Variants in HECTD2 observed in about 807,000 individuals in gnomAD.
The protein encoded by HECTD2 is probable E3 ubiquitin-protein ligase HECTD2.
HECTD2 carries 35 observed loss-of-function variants against 103.2 expected under a neutral mutation model. The ratio of observed to expected loss-of-function variants is 0.34; its 90% confidence interval spans 0.26 to 0.45. The LOEUF is 0.45. HECTD2 is among the 20% of genes least tolerant of loss of function. HECTD2 has a pLI of 1.00. For missense variants in HECTD2, 596 were observed against 937.4 expected, an observed-to-expected ratio of 0.64 and a Z score of 4.76; for synonymous variants, 281 against 329.9, an observed-to-expected ratio of 0.85 and a Z score of 1.61.
chr10:91,459,130 A>G (rs947319825), intron 2 of HECTD2, among the ~76,000 whole-genome samples: 1 of 152,020 alleles, frequency 6.6e-6, no homozygotes, highest in African/African-American at 2.4e-5. Flanking sequence ...AAGCTGTTCA[A>G]CCTCATTAAC....
rs2133404785 is a variant in HECTD2, at chr10:91,514,376, C to T, written c.*1992C>T. 6.5e-6 allele frequency: 1 copy of T among 152,736 alleles called. No homozygotes were observed. Among genetic ancestry groups the T allele is most frequent in the East Asian group, 1.9e-4 (1 of 5,190 alleles). 9.5% of individuals were successfully genotyped at this position (152,736 alleles called of 1,614,324 possible). ...CTGTTGTTAAGTTGAAATGTATAAT[C>T]ATTTATCACTAAATTGCACATTGCC... On this transcript the variant is annotated 3_prime_UTR_variant, in exon 21 of 21. Coordinates refer to ENST00000298068, the MANE Select transcript of HECTD2 (RefSeq NM_182765.6).
At chr10:91,423,115 G>A (rs552855332) in intron 1 of HECTD2, among the ~76,000 whole-genome samples, 1 of 152,216 alleles carries the variant, frequency 6.6e-6, no homozygotes, top group South Asian at 2.1e-4. Flanking sequence ...GGGTTGTTGT[G>A]AAAATAGGCT....
At position 91,484,576 on chromosome 10, in the gene HECTD2, T is replaced by C. The variant is rs1377808554; in HGVS notation, c.891T>C (p.Pro297=). 9 of 1,612,366 alleles carry C rather than the reference T, an allele frequency of 5.6e-6. No homozygotes were observed. The highest frequency in any genetic ancestry group is 1.6e-4 in the Middle Eastern group (1 of 6,080). Residue 297 remains proline, a synonymous_variant, in exon 9 of 21, where the codon CCT becomes CCC. Coordinates refer to ENST00000298068, the MANE Select transcript of HECTD2 (RefSeq NM_182765.6). ...LLQFISLRLF[P]AKPEEFPPIT... ...AATTTATTTCTTTACGCCTGTTTCC[T>C]GCAAAGCCTGAAGAATTTCCACCTA...
intron 2 of HECTD2, among the ~76,000 whole-genome samples, chr10:91,459,745 AGTAG>A: frequency 6.6e-6 from 1 of 152,252 alleles, no homozygotes; most frequent in Admixed American, 6.5e-5. Context: ...CATGTATGAC[AGTAG>A]TCCCCTAGAT....
intron 2 of HECTD2, among the ~76,000 whole-genome samples, chr10:91,425,638 G>T (rs1843529060): frequency 6.6e-6 from 1 of 150,918 alleles, no homozygotes; most frequent in East Asian, 1.9e-4. Flanking sequence ...GATTAAAGAG[G>T]TGGCTACATT....
At chr10:91,461,953 T>G in intron 4 of HECTD2, 142 bp from the exon 5 acceptor site, 1 of 612,948 alleles carries the variant, frequency 1.6e-6, no homozygotes, top group Non-Finnish European at 2.8e-6. Context: ...TCTTTTTATT[T>G]TCAGAAATTT....
intron 20 of HECTD2, among the ~76,000 whole-genome samples, chr10:91,503,688 C>T (rs1012891337): frequency 6.6e-5 from 10 of 152,294 alleles, no homozygotes; most frequent in South Asian, 2.1e-4. Flanking sequence ...AAGGCGGCAG[C>T]GAGGCTGGGG....
chr10:91,494,237 C>T (rs1846582556), intron 14 of HECTD2, among the ~76,000 whole-genome samples: 1 of 151,882 alleles, frequency 6.6e-6, no homozygotes, highest in Non-Finnish European at 1.5e-5. Context: ...TTCTCAGAGT[C>T]AAATGACCAT....
At chr10:91,493,341 G>A (rs996124399) in intron 13 of HECTD2, 79 bp from the exon 14 acceptor site, 3 of 619,930 alleles carry the variant, frequency 4.8e-6, no homozygotes, top group Non-Finnish European at 8.0e-6. Context: ...TAATAGATGA[G>A]ATGTCATGTA....
intron 18 of HECTD2, among the ~76,000 whole-genome samples, chr10:91,499,569 TTGCC>T (rs1846812562): frequency 2.0e-5 from 3 of 152,178 alleles, no homozygotes; most frequent in Admixed American, 6.6e-5. Flanking sequence ...CAACTCTGCA[TTGCC>T]TTTTACCCTT....
chr10:91,504,004 C>CCAG (rs1215913532), intron 20 of HECTD2, among the ~76,000 whole-genome samples: 1 of 152,216 alleles, frequency 6.6e-6, no homozygotes, highest in Non-Finnish European at 1.5e-5. Context: ...GAGGCACCCT[C>CCAG]CAGCAGGGGC....
At chr10:91,454,956 A>T (rs1845010952) in intron 2 of HECTD2, among the ~76,000 whole-genome samples, 1 of 151,958 alleles carries the variant, frequency 6.6e-6, no homozygotes, top group Non-Finnish European at 1.5e-5. Flanking sequence ...CATTTTCTTA[A>T]TCCAGTCTAT....
intron 18 of HECTD2, 117 bp from the exon 19 acceptor site, chr10:91,500,366 ATTTTTCTTCAACAAAAATG>A: frequency 2.0e-6 from 1 of 511,008 alleles, no homozygotes; most frequent in Non-Finnish European, 3.5e-6. Flanking sequence ...CCCAGAGTCG[ATTTTTCTTCAACAAAAATG>A]GTTTGATTTA....
intron 16 of HECTD2, 123 bp downstream of exon 16, chr10:91,498,305 TGTCTTA>T: frequency 1.5e-6 from 1 of 678,314 alleles, no homozygotes. Flanking sequence ...TACAATCCTC[TGTCTTA>T]AAGGACCTTA....
chr10:91,465,355 G>A (rs1845494663), intron 5 of HECTD2, among the ~76,000 whole-genome samples: 1 of 152,130 alleles, frequency 6.6e-6, no homozygotes. Flanking sequence ...TTCTAGCCCT[G>A]TGCACTGAAA....
At chr10:91,496,498 C>T in intron 15 of HECTD2, 126 bp downstream of exon 15, 1 of 644,824 alleles carries the variant, frequency 1.6e-6, no homozygotes. Context: ...TATAACTCAT[C>T]TCCTTTTTTC....
intron 20 of HECTD2, among the ~76,000 whole-genome samples, chr10:91,511,562 G>A (rs1052216990): frequency 6.6e-6 from 1 of 152,082 alleles, no homozygotes; most frequent in Non-Finnish European, 1.5e-5. Flanking sequence ...GGGAGGAGTG[G>A]GGAGAGTGGG....
intron 11 of HECTD2, among the ~76,000 whole-genome samples, chr10:91,490,933 C>T (rs7919792): frequency 0.11 from 15,690 of 138,844 alleles, 2,161 homozygotes; most frequent in African/African-American, 0.34. Flanking sequence ...ATGAGACATA[C>T]GGAAACTGTG....
At chr10:91,418,325 A>G (rs1199130182) in intron 1 of HECTD2, among the ~76,000 whole-genome samples, 1 of 152,230 alleles carries the variant, frequency 6.6e-6, no homozygotes, top group African/African-American at 2.4e-5. Context: ...ATAAATGAAT[A>G]AAATCTCTAA....
Sources: allele counts gnomAD v4.1 joint callset (sites outside exome capture counted in the v4.1 genomes callset), GRCh38; gene constraint gnomAD v4.1.1; transcripts MANE v1.5; gene names NCBI Gene and HGNC (gene_info 2026-07-23, HGNC 2026-07-21).